The following KCNC2 variants were observed in gnomAD, a reference collection of about 807,000 sequenced individuals.
KCNC2 encodes the protein voltage-gated potassium channel KCNC2.
In KCNC2, 21 loss-of-function variants were observed where a neutral mutation model predicts 44.5. That is an observed-to-expected ratio of 0.47 (90% CI 0.33 to 0.68). The LOEUF (loss-of-function observed/expected upper bound fraction) is 0.68, where lower values mean the gene tolerates loss of function less well. KCNC2 is among the 30% of genes least tolerant of loss of function. KCNC2 has a pLI of 0.01. For synonymous variants in KCNC2, 391 were observed against 339.1 expected, an observed-to-expected ratio of 1.15 and a Z score of -1.68; for missense variants, 589 against 826.2, an observed-to-expected ratio of 0.71 and a Z score of 3.52.
chr12:75,187,993 A>G (rs1431321354), intron 2 of KCNC2, among the ~76,000 whole-genome samples: 1 of 152,210 alleles, frequency 6.6e-6, no homozygotes, highest in Non-Finnish European at 1.5e-5. Flanking sequence ...ACATGCAAAC[A>G]ATAGAAGTTG....
chr12:75,092,257 A>C (rs1463153751), intron 2 of KCNC2, among the ~76,000 whole-genome samples: 1 of 151,634 alleles, frequency 6.6e-6, no homozygotes, highest in Admixed American at 6.6e-5. Flanking sequence ...GCCACATAGA[A>C]TTTCTCTATT....
At chr12:75,061,985 C>T (rs900707032) in intron 2 of KCNC2, among the ~76,000 whole-genome samples, 4 of 151,930 alleles carry the variant, frequency 2.6e-5, no homozygotes, top group African/African-American at 9.7e-5. Flanking sequence ...AGCAATGCTA[C>T]CTTTGACATG....
chr12:75,197,476 T>C (rs1247871070), intron 2 of KCNC2, among the ~76,000 whole-genome samples: 1 of 152,076 alleles, frequency 6.6e-6, no homozygotes, highest in African/African-American at 2.4e-5. Flanking sequence ...CTCCTTAACC[T>C]GTGGGTCTAC....
chr12:75,141,220 A>G (rs954479853), intron 2 of KCNC2, among the ~76,000 whole-genome samples: 1 of 152,098 alleles, frequency 6.6e-6, no homozygotes, highest in Non-Finnish European at 1.5e-5. Flanking sequence ...AACCACTTTC[A>G]CTGCACTCTT....
intron 2 of KCNC2, among the ~76,000 whole-genome samples, chr12:75,119,906 A>G (rs1012485667): frequency 8.5e-5 from 13 of 152,214 alleles, no homozygotes; most frequent in African/African-American, 2.2e-4. Flanking sequence ...CTGAATAAAG[A>G]TATCTGATTA....
intron 2 of KCNC2, among the ~76,000 whole-genome samples, chr12:75,119,151 CT>C (rs1887877295): frequency 6.6e-6 from 1 of 152,088 alleles, no homozygotes; most frequent in African/African-American, 2.4e-5. Context: ...AAGTCATTTC[CT>C]TTTCACAAAA....
At position 75,051,271 on chromosome 12, in the gene KCNC2, G is replaced by C; in HGVS notation, c.734C>G (p.Thr245Ser). 6.2e-7 allele frequency: 1 copy of C among 1,600,558 alleles called. No individual in the cohort carries two copies. The highest frequency in any genetic ancestry group is 8.6e-7 in the Non-Finnish European group (1 of 1,169,556). The change falls in exon 3 of 5, where the codon ACT becomes AGT. Residue 245 changes from threonine (T) to serine (S), a missense_variant. Coordinates refer to ENST00000549446, the MANE Select transcript of KCNC2 (RefSeq NM_139137.4). ...SLFFILVSITTFCLETHEAFN... is the reference protein window; with the variant it reads ...SLFFILVSITSFCLETHEAFN... ...AGCTTCATGTGTTTCCAGGCAAAAAGTTGTAATTGAAACCAGGATGAAGAA... is the reference window on the plus strand; with the variant it reads ...AGCTTCATGTGTTTCCAGGCAAAAACTTGTAATTGAAACCAGGATGAAGAA...
At chr12:75,046,394 A>C (rs1172288490) in intron 4 of KCNC2, among the ~76,000 whole-genome samples, 1 of 151,768 alleles carries the variant, frequency 6.6e-6, no homozygotes, top group Non-Finnish European at 1.5e-5. Context: ...ATTTTCTTTG[A>C]CAGTTTAAAA....
At chr12:75,155,494 G>T (rs1012857414) in intron 2 of KCNC2, among the ~76,000 whole-genome samples, 2 of 151,750 alleles carry the variant, frequency 1.3e-5, no homozygotes, top group Admixed American at 6.6e-5. Flanking sequence ...TGATTGTACT[G>T]AGTTTCAACC....
chr12:75,090,456 T>C (rs1885379931), intron 2 of KCNC2, among the ~76,000 whole-genome samples: 1 of 151,616 alleles, frequency 6.6e-6, no homozygotes, highest in Admixed American at 6.6e-5. Context: ...ACAAAAGCTA[T>C]AGCAGCCTTC....
intron 2 of KCNC2, among the ~76,000 whole-genome samples, chr12:75,145,605 T>C (rs1442303331): frequency 6.6e-6 from 1 of 152,146 alleles, no homozygotes; most frequent in Non-Finnish European, 1.5e-5. Flanking sequence ...GTCATGTTTT[T>C]CTCATATTTA....
intron 2 of KCNC2, among the ~76,000 whole-genome samples, chr12:75,158,630 A>G (rs973461453): frequency 9.2e-5 from 14 of 151,896 alleles, no homozygotes; most frequent in Non-Finnish European, 1.2e-4. Context: ...AGCACTGGAA[A>G]CAGGGTCTTG....
chr12:75,093,700 C>T (rs1174450379), intron 2 of KCNC2, among the ~76,000 whole-genome samples: 2 of 151,634 alleles, frequency 1.3e-5, no homozygotes, highest in East Asian at 3.9e-4. Context: ...GCTTATTTCA[C>T]TAATTTTGCT....
chr12:75,163,105 A>G (rs1891224462), intron 2 of KCNC2, among the ~76,000 whole-genome samples: 1 of 151,740 alleles, frequency 6.6e-6, no homozygotes, highest in South Asian at 2.1e-4. Context: ...TCTAAGTCCT[A>G]AGGCCAGTAA....
chr12:75,053,120 C>A (rs748044706), intron 2 of KCNC2, among the ~76,000 whole-genome samples: 2 of 152,150 alleles, frequency 1.3e-5, no homozygotes, highest in African/African-American at 2.4e-5. Flanking sequence ...GATAACCTTT[C>A]AGAGGAAGAA....
At chr12:75,178,111 G>A (rs961412618) in intron 2 of KCNC2, among the ~76,000 whole-genome samples, 3 of 151,878 alleles carry the variant, frequency 2.0e-5, no homozygotes, top group African/African-American at 7.2e-5. Context: ...TTTACACCCA[G>A]GAAAATACTG....
At chr12:75,088,434 C>A (rs1056569996) in intron 2 of KCNC2, among the ~76,000 whole-genome samples, 1 of 152,026 alleles carries the variant, frequency 6.6e-6, no homozygotes, top group African/African-American at 2.4e-5. Flanking sequence ...TTTTAACCTA[C>A]AATTAATTGA....
chr12:75,105,641 A>G (rs1886723877), intron 2 of KCNC2, among the ~76,000 whole-genome samples: 1 of 152,194 alleles, frequency 6.6e-6, no homozygotes, highest in Non-Finnish European at 1.5e-5. Flanking sequence ...TTCCTAAGGA[A>G]TCGAATGTAA....
chr12:75,095,728 G>A (rs567092936), intron 2 of KCNC2, among the ~76,000 whole-genome samples: 3 of 151,820 alleles, frequency 2.0e-5, no homozygotes, highest in South Asian at 2.1e-4. Flanking sequence ...CACCTAATAC[G>A]CAGGAAAACA....
Sources: allele counts gnomAD v4.1 joint callset (sites outside exome capture counted in the v4.1 genomes callset), GRCh38; gene constraint gnomAD v4.1.1; transcripts MANE v1.5; gene names NCBI Gene and HGNC (gene_info 2026-07-23, HGNC 2026-07-21).